Variants in TRAPPC9 observed in about 807,000 individuals in gnomAD.
TRAPPC9 encodes IKK2 binding protein.
Under a neutral mutation model 124.0 loss-of-function variants are expected in TRAPPC9, and 83 were observed. The observed-to-expected ratio is 0.67, with a 90% CI of 0.56 to 0.80. The LOEUF is 0.80. Ranked by LOEUF, TRAPPC9 falls within the 30% of genes least tolerant of loss-of-function variation. The pLI, the probability that TRAPPC9 is intolerant of heterozygous loss-of-function variation, is 0.00. For missense variants in TRAPPC9, 1,302 were observed against 1,508.3 expected, an observed-to-expected ratio of 0.86 and a Z score of 2.27; for synonymous variants, 638 against 617.5, an observed-to-expected ratio of 1.03 and a Z score of -0.49.
intron 17 of TRAPPC9, chr8:140,099,767 G>A (rs1034580870): frequency 1.3e-5 from 2 of 151,224 alleles, no homozygotes; most frequent in African/African-American, 4.9e-5. Context: ...ACCCAGCTAG[G>A]TCTCAGTGCG....
chr8:140,254,245 G>T (rs2064195589), intron 15 of TRAPPC9, among the ~76,000 whole-genome samples: 1 of 152,222 alleles, frequency 6.6e-6, no homozygotes, highest in African/African-American at 2.4e-5. Flanking sequence ...CGGAAAGCAG[G>T]TGCAGCCCTG....
At chr8:140,280,361 G>A (rs1368503759) in intron 14 of TRAPPC9, among the ~76,000 whole-genome samples, 1 of 152,176 alleles carries the variant, frequency 6.6e-6, no homozygotes, top group African/African-American at 2.4e-5. Context: ...CCTAGCTTAA[G>A]TATGCAATGC....
At chr8:140,004,873 A>G (rs1838647057) in intron 18 of TRAPPC9, among the ~76,000 whole-genome samples, 1 of 152,212 alleles carries the variant, frequency 6.6e-6, no homozygotes, top group African/African-American at 2.4e-5. Context: ...GTGAATTAGC[A>G]TAAAACTAAA....
At chr8:140,437,031 G>A (rs930034854) in intron 3 of TRAPPC9, among the ~76,000 whole-genome samples, 2 of 151,964 alleles carry the variant, frequency 1.3e-5, no homozygotes, top group Admixed American at 6.6e-5. Flanking sequence ...TGGTGCGATC[G>A]TGGCTCACTG....
chr8:140,029,812 A>C (rs908121134), intron 17 of TRAPPC9, among the ~76,000 whole-genome samples: 2 of 151,882 alleles, frequency 1.3e-5, no homozygotes, highest in Non-Finnish European at 2.9e-5. Flanking sequence ...ATATTACTCA[A>C]ATATCAAAAT....
At chr8:139,855,808 G>A (rs902423306) in intron 21 of TRAPPC9, among the ~76,000 whole-genome samples, 6 of 152,220 alleles carry the variant, frequency 3.9e-5, no homozygotes, top group Non-Finnish European at 8.8e-5. Flanking sequence ...TTGATGCGTG[G>A]TTTATAAAGC....
intron 18 of TRAPPC9, among the ~76,000 whole-genome samples, chr8:140,010,995 A>T (rs1402023111): frequency 6.6e-6 from 1 of 152,226 alleles, no homozygotes; most frequent in East Asian, 1.9e-4. Context: ...ATCAACATGT[A>T]TCGTATTTTT....
intron 18 of TRAPPC9, among the ~76,000 whole-genome samples, chr8:139,994,655 G>C (rs530429177): frequency 6.6e-6 from 1 of 152,172 alleles, no homozygotes; most frequent in Non-Finnish European, 1.5e-5. Flanking sequence ...AATTAAGTGA[G>C]TCTCTTGACA....
At chr8:140,095,744 T>G (rs1375048465) in intron 17 of TRAPPC9, 4 of 151,678 alleles carry the variant, frequency 2.6e-5, no homozygotes, top group Non-Finnish European at 5.9e-5. Context: ...GAGAGGAAAA[T>G]TTTCAGTGGG....
intron 10 of TRAPPC9, among the ~76,000 whole-genome samples, chr8:140,301,136 C>A (rs1203236524): frequency 1.3e-5 from 2 of 152,214 alleles, no homozygotes; most frequent in African/African-American, 4.8e-5. Context: ...CAAGTGGCAG[C>A]CAGACTCTGA....
At chr8:140,447,838 G>C (rs536005437) in intron 2 of TRAPPC9, among the ~76,000 whole-genome samples, 1 of 152,124 alleles carries the variant, frequency 6.6e-6, no homozygotes, top group Non-Finnish European at 1.5e-5. Flanking sequence ...CTGCACCAAA[G>C]CATTCCTTCA....
chr8:139,887,217 C>CTTTT (rs1221275448), intron 20 of TRAPPC9, among the ~76,000 whole-genome samples: 3 of 130,596 alleles, frequency 2.3e-5, no homozygotes, highest in African/African-American at 5.8e-5. Flanking sequence ...CCTATTTTAG[C>CTTTT]TTTTTTTTTT....
intron 18 of TRAPPC9, among the ~76,000 whole-genome samples, chr8:140,002,174 T>A (rs1466999370): frequency 6.6e-6 from 1 of 151,712 alleles, no homozygotes; most frequent in East Asian, 2.0e-4. Flanking sequence ...ACTCAACAAA[T>A]TTTTTGATAC....
chr8:139,852,892 C>T (rs886753424), intron 21 of TRAPPC9, among the ~76,000 whole-genome samples: 15 of 152,144 alleles, frequency 9.9e-5, no homozygotes, highest in African/African-American at 3.4e-4. Context: ...GAGGAAACTG[C>T]AAACATAGTC....
chr8:139,816,305 A>T (rs1824831468), intron 21 of TRAPPC9, among the ~76,000 whole-genome samples: 1 of 152,218 alleles, frequency 6.6e-6, no homozygotes, highest in Admixed American at 6.5e-5. Flanking sequence ...CTTCCGGTGA[A>T]AGCAGCTGGG....
chr8:140,116,754 T>C (rs997866054), intron 17 of TRAPPC9, among the ~76,000 whole-genome samples: 4 of 152,110 alleles, frequency 2.6e-5, no homozygotes, highest in Admixed American at 6.6e-5. Context: ...AAGAGATCTA[T>C]GGTTTCTCAG....
chr8:140,168,498 A>T (rs1286874319), intron 17 of TRAPPC9, among the ~76,000 whole-genome samples: 1 of 152,224 alleles, frequency 6.6e-6, no homozygotes, highest in African/African-American at 2.4e-5. Context: ...TATAAACGGA[A>T]TCATACATAC....
At chr8:140,404,952 T>C (rs1234575620) in intron 6 of TRAPPC9, among the ~76,000 whole-genome samples, 1 of 106,826 alleles carries the variant, frequency 9.4e-6, no homozygotes, top group South Asian at 3.2e-4. Flanking sequence ...GTGTGTCTCA[T>C]AGGCATAAAG....
intron 9 of TRAPPC9, among the ~76,000 whole-genome samples, chr8:140,311,971 G>C (rs1473847850): frequency 6.6e-6 from 1 of 152,118 alleles, no homozygotes; most frequent in Non-Finnish European, 1.5e-5. Flanking sequence ...GACAGGCCAC[G>C]GACACAGACC....
Sources: gnomAD v4.1 joint callset for allele counts (sites outside exome capture counted in the v4.1 genomes callset) on GRCh38, gnomAD v4.1.1 for gene constraint, MANE v1.5 for transcripts, NCBI Gene and HGNC (gene_info 2026-07-23, HGNC 2026-07-21) for gene names.